The following SLC35E2B variants were observed in gnomAD, a reference collection of about 807,000 sequenced individuals.
The protein encoded by SLC35E2B is solute carrier family 35 member E2B.
Under a neutral mutation model 32.4 loss-of-function variants are expected in SLC35E2B, and 18 were observed. That is an observed-to-expected ratio of 0.56 (90% CI 0.38 to 0.82). The LOEUF (loss-of-function observed/expected upper bound fraction) is 0.82, where lower values mean the gene tolerates loss of function less well. SLC35E2B is among the 40% of genes least tolerant of loss of function. The pLI is 0.00. For missense variants in SLC35E2B, 263 were observed against 469.5 expected (o/e 0.56, Z 4.06); for synonymous variants, 132 against 209.1 (o/e 0.63, Z 3.18).
rs557853424 is a variant in SLC35E2B, at chr1:1,665,937, C to T, written c.1063G>A (p.Val355Ile). The T allele has an allele frequency of 7.4e-5, 115 of 1,551,508 alleles. No individual in the cohort carries two copies. The highest frequency in any genetic ancestry group is 6.4e-4 in the East Asian group (26 of 40,926). The change falls in exon 10 of 10, where the codon GTT becomes ATT. Residue 355 changes from valine (V) to isoleucine (I), a missense_variant. Around this residue, in one of 7 missense-constraint regions of SLC35E2B, gnomAD observed 78 missense variants for 71.1 expected, o/e 1.10. Coordinates refer to ENST00000617444, the MANE Select transcript of SLC35E2B (RefSeq NM_001290264.2). The stretch of plus-strand genomic sequence containing the variant: ...CCAACGGTCACCAGGGCTGTGCCAA[C>T]GGCCGACAAGCTGGTGATCTTGTTG... ...FGNKITSLSA[V>I]GTALVTVGVL... is the part of the protein sequence containing the mutation.
intron 2 of SLC35E2B, among the ~76,000 whole-genome samples, chr1:1,679,927 T>C (rs563401480): frequency 6.6e-4 from 100 of 150,868 alleles, no homozygotes; most frequent in African/African-American, 2.4e-3. Context: ...GGTCAGGAGT[T>C]CAAGACCAGC....
chr1:1,683,563 C>T (rs1643918058), intron 2 of SLC35E2B, among the ~76,000 whole-genome samples: 1 of 152,152 alleles, frequency 6.6e-6, no homozygotes, highest in African/African-American at 2.4e-5. Context: ...CGAAGACCAT[C>T]CCACTCTTTC....
At chr1:1,679,601 C>A (rs574039488) in intron 2 of SLC35E2B, among the ~76,000 whole-genome samples, 1 of 149,150 alleles carries the variant, frequency 6.7e-6, no homozygotes, top group African/African-American at 2.5e-5. Context: ...CCAAGGTGGG[C>A]GGATCACCTG....
rs1305280413 is a variant in SLC35E2B, at chr1:1,670,134, G to GA, written c.724dup (p.Ser242PhefsTer177). 6.4e-7 allele frequency: 1 copy of GA among 1,551,254 alleles called. No homozygotes were observed. Among genetic ancestry groups the GA allele is most frequent in the East Asian group, 2.4e-5 (1 of 40,918 alleles). On this transcript the variant is annotated frameshift_variant, in exon 7 of 10. Transcript: ENST00000617444. LOFTEE classifies it high-confidence loss of function. ...TTTGTCCCCGCTGAGCAGCTTTTTT[G>GA]AAAAAACATTTTGCAAACTAGAATA...
intron 5 of SLC35E2B, chr1:1,673,095 C>A: frequency 6.0e-6 from 1 of 166,920 alleles, no homozygotes; most frequent in Admixed American, 6.3e-5. Context: ...TAAAGCCGGA[C>A]ACGGCGGCTG....
intron 2 of SLC35E2B, among the ~76,000 whole-genome samples, chr1:1,683,008 T>C (rs1376912928): frequency 1.3e-5 from 2 of 150,194 alleles, no homozygotes; most frequent in Non-Finnish European, 3.0e-5. Flanking sequence ...ACCCTGGAGG[T>C]GGAAATCGCA....
At chr1:1,680,245 G>A (rs1274160767) in intron 2 of SLC35E2B, among the ~76,000 whole-genome samples, 1 of 151,972 alleles carries the variant, frequency 6.6e-6, no homozygotes, top group African/African-American at 2.4e-5. Context: ...AGGCTGCAGT[G>A]AGCCGTGATT....
At chr1:1,666,441 G>A (rs1212973387) in intron 9 of SLC35E2B, among the ~76,000 whole-genome samples, 8 of 152,166 alleles carry the variant, frequency 5.3e-5, no homozygotes, top group Non-Finnish European at 1.2e-4. Context: ...GCCCAGGCTG[G>A]TCTTCAAATC....
At chr1:1,671,727 A>G (rs1643698941) in intron 5 of SLC35E2B, 98 bp from the exon 6 acceptor site, 1 of 1,208,358 alleles carries the variant, frequency 8.3e-7, no homozygotes, top group South Asian at 1.8e-5. Context: ...AAAGGAACGG[A>G]TGCTTCCTTC....
At chr1:1,667,901 G>C (rs1643586350) in intron 9 of SLC35E2B, among the ~76,000 whole-genome samples, 2 of 150,330 alleles carry the variant, frequency 1.3e-5, no homozygotes, top group Non-Finnish European at 3.0e-5. Flanking sequence ...CCCCCAGGCT[G>C]GAGTGCAGTG....
chr1:1,683,431 A>G (rs558368063), intron 2 of SLC35E2B, among the ~76,000 whole-genome samples: 7 of 152,296 alleles, frequency 4.6e-5, no homozygotes, highest in African/African-American at 1.7e-4. Flanking sequence ...AACTGCAGAA[A>G]GCACTTACGT....
In SLC35E2B at chr1:1,683,064, G is replaced by A. The variant is rs562480989; in HGVS notation, c.-147-6218C>T. ...TGCACTCCAGCCTGGGGGACAGAGC[G>A]AGACTCTGTCTCCAAAAACAAACAA... On this transcript the variant is annotated intron_variant, in intron 2 of 9. Transcript: ENST00000617444. Among the ~76,000 whole-genome samples the A allele has an allele frequency of 3.9e-5, 6 of 151,924 alleles. No individual in the cohort carries two copies. In the East Asian group the frequency reaches 1.2e-3, roughly 29 times the overall value.
At position 1,677,539 on chromosome 1, in the gene SLC35E2B, G is replaced by A. The variant is rs561191709; in HGVS notation, c.-147-693C>T. 2.2e-4 allele frequency among the ~76,000 whole-genome samples: 33 copies of A among 150,152 alleles called. No homozygotes were observed. The South Asian group carries it at 4.3e-3, about 19-fold the overall frequency. On this transcript the variant is annotated intron_variant, in intron 2 of 9. Transcript: ENST00000617444. ...GTCGCCCAGGCTGAAGTGCAGAGGC[G>A]TGATCTGGGCTCACTGCAAGCTCCG...
At chr1:1,679,235 G>A (rs1036795959) in intron 2 of SLC35E2B, among the ~76,000 whole-genome samples, 10 of 152,174 alleles carry the variant, frequency 6.6e-5, no homozygotes, top group East Asian at 3.8e-4. Context: ...TGCAGACGAC[G>A]CCAGTCACGT....
intron 2 of SLC35E2B, among the ~76,000 whole-genome samples, chr1:1,689,444 C>T (rs185830999): frequency 2.6e-5 from 4 of 151,730 alleles, no homozygotes; most frequent in African/African-American, 9.6e-5. Flanking sequence ...TTATCACCCA[C>T]GTGAGACACA....
intron 2 of SLC35E2B, among the ~76,000 whole-genome samples, chr1:1,682,092 T>G (rs1157565156): frequency 7.2e-6 from 1 of 138,216 alleles, no homozygotes; most frequent in African/African-American, 2.6e-5. Context: ...TCTCCTGACC[T>G]CATGTGATTC....
chr1:1,690,327 T>C (rs1644004559), intron 2 of SLC35E2B, among the ~76,000 whole-genome samples: 1 of 141,440 alleles, frequency 7.1e-6, no homozygotes, highest in African/African-American at 2.6e-5. Context: ...TATATATACA[T>C]ACCATAAAGT....
chr1:1,685,211 C>T (rs1182144467), intron 2 of SLC35E2B, among the ~76,000 whole-genome samples: 1 of 151,600 alleles, frequency 6.6e-6, no homozygotes, highest in African/African-American at 2.4e-5. Flanking sequence ...TGCTTGAGCC[C>T]AGGAGTTCAA....
intron 7 of SLC35E2B, 44 bp from the exon 8 acceptor site, chr1:1,669,780 C>T: frequency 6.5e-7 from 1 of 1,540,930 alleles, no homozygotes; most frequent in Non-Finnish European, 8.8e-7. Context: ...TCGGGACAGG[C>T]CGAGTTCACA....
Sources: allele counts gnomAD v4.1 joint callset (sites outside exome capture counted in the v4.1 genomes callset), GRCh38; gene constraint gnomAD v4.1.1; regional missense constraint gnomAD v4.1.1; transcripts MANE v1.5; gene names NCBI Gene and HGNC (gene_info 2026-07-23, HGNC 2026-07-21).